STAR: variants seen among roughly 807,000 people sequenced by gnomAD.
STAR encodes the protein steroidogenic acute regulatory protein, also known as steroidogenic acute regulatory protein, mitochondrial.
STAR carries 32 observed loss-of-function variants against 32.3 expected under a neutral mutation model. The observed-to-expected ratio is 0.99, with a 90% CI of 0.75 to 1.33. STAR has a LOEUF of 1.33. Ranked by LOEUF, STAR falls within the 40% of genes most tolerant of loss-of-function variation. STAR has a pLI of 0.00. For missense variants in STAR, 375 were observed against 379.0 expected (o/e 0.99, Z 0.09); for synonymous variants, 134 against 140.5 (o/e 0.95, Z 0.33).
intron 5 of STAR, 38 bp from the exon 6 acceptor site, chr8:38,145,353 G>C: frequency 6.2e-7 from 1 of 1,613,524 alleles, no homozygotes. Context: ...GGACAGTTGC[G>C]AGTTCTCTCT....
intron 1 of STAR, 69 bp from the exon 2 acceptor site, chr8:38,148,823 C>T (rs1261593763): frequency 3.2e-6 from 4 of 1,262,020 alleles, no homozygotes; most frequent in Non-Finnish European, 3.4e-6. Flanking sequence ...CCCACCCCCT[C>T]ATCTTGTCTC....
Position 38,146,379 on chromosome 8 carries a change from C to T in STAR, c.375G>A (p.Val125=), listed in dbSNP as rs1256051149. ...AGAGCCTCTCCATGGGCTGGTCCAC[C>T]ACGACCTCCAGCCGGAACACCTTGC... ...DVGKVFRLEV[V]VDQPMERLYE... Residue 125 remains valine, a synonymous_variant, in exon 4 of 7, where the codon GTG becomes GTA. Coordinates refer to ENST00000276449, the MANE Select transcript of STAR (RefSeq NM_000349.3). 5.0e-6 allele frequency: 8 copies of T among 1,614,146 alleles called. No individual in the cohort carries two copies. In the East Asian group the frequency reaches 1.1e-4, roughly 22 times the overall value.
Position 38,144,103 on chromosome 8 carries a change from A to G in STAR, c.*170T>C, listed in dbSNP as rs1173386573. On this transcript the variant is annotated 3_prime_UTR_variant, in exon 7 of 7. Transcript: ENST00000276449. The stretch of plus-strand genomic sequence containing the variant: ...AGAGCCTCATCCCTGTTTTCTTGGT[A>G]CTAAAAACTTTCACCAATCTGAATC... 3 of 691,418 alleles carry G rather than the reference A, an allele frequency of 4.3e-6. No homozygotes were observed. Among genetic ancestry groups the G allele is most frequent in the Non-Finnish European group, 7.7e-6 (3 of 387,834 alleles). 42.8% of individuals were successfully genotyped at this position (691,418 alleles called of 1,614,324 possible).
In STAR at chr8:38,150,952, C is replaced by A. The variant is rs1477529457; in HGVS notation, c.-134G>T. The A allele has an allele frequency of 3.2e-6, 5 of 1,582,516 alleles. No individual in the cohort carries two copies. Among genetic ancestry groups the A allele is most frequent in the East Asian group, 4.5e-5 (2 of 44,438 alleles). ...GCTTCGCCTCTGAGTCCCGCAGCTG[C>A]AGCCTGGACCTGGTGTTCTGCGTCT... is the stretch of plus-strand genomic sequence containing the variant. On this transcript the variant is annotated 5_prime_UTR_variant, in exon 1 of 7. Coordinates refer to ENST00000276449, the MANE Select transcript of STAR (RefSeq NM_000349.3).
Position 38,150,865 on chromosome 8 carries a change from T to C in STAR, c.-47A>G, listed in dbSNP as rs774272296. 3.8e-6 allele frequency: 6 copies of C among 1,599,248 alleles called. No individual in the cohort carries two copies. The highest frequency in any genetic ancestry group is 5.1e-6 in the Non-Finnish European group (6 of 1,179,686). ...GTGGTGGGGTCGCTGCCGCTGCTGC[T>C]GCCGCCGCTGCTGCTGCCTCTTCTC... On this transcript the variant is annotated 5_prime_UTR_variant, in exon 1 of 7. Coordinates refer to ENST00000276449, the MANE Select transcript of STAR (RefSeq NM_000349.3).
At chr8:38,147,471 C>T (rs1429687249) in intron 3 of STAR, among the ~76,000 whole-genome samples, 1 of 152,224 alleles carries the variant, frequency 6.6e-6, no homozygotes, top group South Asian at 2.1e-4. Context: ...CCTCATTCCA[C>T]ACCAGAAGAA....
intron 1 of STAR, among the ~76,000 whole-genome samples, chr8:38,150,225 T>A (rs996458808): frequency 4.6e-5 from 7 of 151,066 alleles, no homozygotes; most frequent in Middle Eastern, 3.4e-3. Flanking sequence ...CTAAAAAAAA[T>A]AAAAATAAAA....
chr8:38,150,416 C>T (rs1041396040), intron 1 of STAR, among the ~76,000 whole-genome samples: 2 of 88,432 alleles, frequency 2.3e-5, no homozygotes, highest in African/African-American at 8.9e-5. Context: ...AAAGAAAAGG[C>T]GGAAGAAAAA....
intron 5 of STAR, 144 bp from the exon 6 acceptor site, chr8:38,145,459 A>C: frequency 8.7e-7 from 1 of 1,153,448 alleles, no homozygotes; most frequent in Non-Finnish European, 1.3e-6. Flanking sequence ...TGCAAAGGGT[A>C]ATTATTTGGC....
intron 3 of STAR, among the ~76,000 whole-genome samples, chr8:38,147,013 C>A (rs1391043003): frequency 6.6e-6 from 1 of 150,840 alleles, no homozygotes; most frequent in South Asian, 2.1e-4. Context: ...TTTTTGAGAC[C>A]GTCTCACTCT....
At chr8:38,145,087 C>T in intron 6 of STAR, 135 bp downstream of exon 6, 1 of 1,533,848 alleles carries the variant, frequency 6.5e-7, no homozygotes, top group Non-Finnish European at 8.7e-7. Flanking sequence ...GCCATCACTC[C>T]AGACCCTTCC....
rs764080558 is a variant in STAR at position 38,145,204 on chromosome 8, C to T, written c.744+18G>A. On this transcript the variant is annotated intron_variant, in intron 6 of 6. Transcript: ENST00000276449. ...TCACTACCACCTGCCTTCCAGGTCC[C>T]CCTCCCATGCCCTTCACCTTGAGGT... The T allele has an allele frequency of 3.1e-6, 5 of 1,613,936 alleles. No individual in the cohort carries two copies. The highest frequency in any genetic ancestry group is 3.3e-5 in the Admixed American group (2 of 59,984).
At chr8:38,144,844 A>T in intron 6 of STAR, 2 of 567,224 alleles carry the variant, frequency 3.5e-6, no homozygotes, top group South Asian at 2.1e-5. Context: ...CCCCGTCTCT[A>T]CTAAAAATAC....
Position 38,150,820 on chromosome 8 carries a change from G to T in STAR, c.-2C>A. Reference sequence around the variant, plus strand: ...CAGCTTGAATGTCGCTAGCAGCATTGTTTCCTGGCAAATGTGGCAGTGGTG... The same window carrying T: ...CAGCTTGAATGTCGCTAGCAGCATTTTTTCCTGGCAAATGTGGCAGTGGTG... On this transcript the variant is annotated 5_prime_UTR_variant, in exon 1 of 7. Transcript: ENST00000276449. The T allele has an allele frequency of 6.2e-7, 1 of 1,605,346 alleles. No homozygotes were observed.
chr8:38,145,231 G>A lies in STAR; in HGVS notation c.735C>T (p.Ile245=), dbSNP rs779693521. 8 of 1,613,958 alleles carry A rather than the reference G, an allele frequency of 5.0e-6. No individual in the cohort carries two copies. The highest frequency in any genetic ancestry group is 3.3e-5 in the South Asian group (3 of 91,092). ...CTCCCATGCCCTTCACCTTGAGGTC[G>A]ATGCTGAGTAGCCACGTAAGTTTGG... ...SKTKLTWLLS[I]DLKGWLPKSI... is the part of the protein sequence containing the mutation. Residue 245 remains isoleucine, a synonymous_variant, in exon 6 of 7, where the codon ATC becomes ATT. Transcript: ENST00000276449.
chr8:38,148,111 C>A, intron 3 of STAR, 89 bp downstream of exon 3: 11 of 1,581,412 alleles, frequency 7.0e-6, no homozygotes, highest in Non-Finnish European at 9.5e-6. Flanking sequence ...CTGCATGAGA[C>A]AGGAATTCTG....
In STAR at chr8:38,146,368, G is replaced by T. The variant is rs777821758; in HGVS notation, c.386C>A (p.Pro129His). The T allele has an allele frequency of 6.2e-7, 1 of 1,614,074 alleles. No homozygotes were observed. Among genetic ancestry groups the T allele is most frequent in the Admixed American group, 1.7e-5 (1 of 60,004 alleles). Residue 129 changes from proline (P) to histidine (H), a missense_variant, in exon 4 of 7, where the codon CCC becomes CAC. Transcript: ENST00000276449. ...GAGCTCTTCATAGAGCCTCTCCATG[G>T]GCTGGTCCACCACGACCTCCAGCCG... ...VFRLEVVVDQPMERLYEELVE... is the reference protein window; with the variant it reads ...VFRLEVVVDQHMERLYEELVE...
At chr8:38,145,856 C>T in intron 5 of STAR, 107 bp downstream of exon 5, 2 of 1,392,128 alleles carry the variant, frequency 1.4e-6, no homozygotes, top group East Asian at 2.3e-5. Flanking sequence ...GCCATGGGTG[C>T]ACCAAGGGTT....
At chr8:38,148,144 G>A (rs1371550971) in intron 3 of STAR, 56 bp downstream of exon 3, 7 of 1,611,302 alleles carry the variant, frequency 4.3e-6, no homozygotes, top group Non-Finnish European at 5.9e-6. Flanking sequence ...ACCCCAGCTG[G>A]CCTTGAGGAT....
Sources: gnomAD v4.1 joint callset for allele counts (sites outside exome capture counted in the v4.1 genomes callset) on GRCh38, gnomAD v4.1.1 for gene constraint, MANE v1.5 for transcripts, NCBI Gene and HGNC (gene_info 2026-07-23, HGNC 2026-07-21) for gene names.